The following PHC2 variants were observed in gnomAD, a reference collection of about 807,000 sequenced individuals.
The protein encoded by PHC2 is polyhomeotic-like protein 2.
A neutral mutation model predicts 87.4 loss-of-function variants in PHC2; 29 were observed. That is an observed-to-expected ratio of 0.33 (90% CI 0.25 to 0.45). The LOEUF (loss-of-function observed/expected upper bound fraction) is 0.45, where lower values mean the gene tolerates loss of function less well. Among genes scored for constraint, PHC2 ranks in the 20% least tolerant of loss-of-function variants. PHC2 has a pLI of 1.00. For missense variants in PHC2, 857 were observed against 1,136.7 expected (o/e 0.75, Z 3.54); for synonymous variants, 438 against 461.7 (o/e 0.95, Z 0.66).
intron 9 of PHC2, chr1:33,347,975 G>A (rs1225543560): frequency 6.6e-6 from 1 of 152,340 alleles, no homozygotes; most frequent in Non-Finnish European, 1.5e-5. Flanking sequence ...CCCAAATGTA[G>A]ATCCAGATGT....
intron 1 of PHC2, among the ~76,000 whole-genome samples, chr1:33,383,719 C>T (rs899032711): frequency 2.0e-5 from 3 of 152,184 alleles, no homozygotes; most frequent in Non-Finnish European, 4.4e-5. Context: ...AAAATATATT[C>T]TGTGTCTTCT....
chr1:33,324,934 G>A lies in PHC2; in HGVS notation c.2511C>T (p.Ser837=), dbSNP rs766782136. 13 of 1,613,892 alleles carry A rather than the reference G, an allele frequency of 8.1e-6. No individual in the cohort carries two copies. The highest frequency in any genetic ancestry group is 4.0e-5 in the African/African-American group (3 of 74,924). ...LLLLKEDHLM[S]AMNIKLGPAL... ...CGGGCCCCAGCTTGATGTTCATGGC[G>A]CTCATCAGGTGGTCCTCCTTGAGCA... The change falls in exon 15 of 15, where the codon AGC becomes AGT. Residue 837 remains serine, a synonymous_variant. Transcript: ENST00000683057.
At chr1:33,361,263 C>T (rs1183690507) in intron 7 of PHC2, among the ~76,000 whole-genome samples, 1 of 152,206 alleles carries the variant, frequency 6.6e-6, no homozygotes, top group Admixed American at 6.5e-5. Flanking sequence ...AAGTCATTAA[C>T]ATGATATTGA....
At chr1:33,327,192 T>C (rs939003127) in intron 14 of PHC2, among the ~76,000 whole-genome samples, 1 of 152,160 alleles carries the variant, frequency 6.6e-6, no homozygotes, top group Non-Finnish European at 1.5e-5. Flanking sequence ...TGTTTCTCCC[T>C]TTTTGGATGG....
intron 9 of PHC2, among the ~76,000 whole-genome samples, chr1:33,350,678 C>T (rs1646954999): frequency 1.3e-5 from 2 of 152,206 alleles, no homozygotes; most frequent in Non-Finnish European, 2.9e-5. Context: ...TCTTGCCTTC[C>T]TTAGTATTCA....
chr1:33,409,017 CAAGT>C (rs1282828434), intron 1 of PHC2, among the ~76,000 whole-genome samples: 1 of 152,128 alleles, frequency 6.6e-6, no homozygotes, highest in African/African-American at 2.4e-5. Flanking sequence ...CAAGAATATA[CAAGT>C]AAGTAAATAC....
Position 33,328,370 on chromosome 1 carries a change from T to G in PHC2, c.2425+500A>C, listed in dbSNP as rs552449452. 8.9e-5 allele frequency among the ~76,000 whole-genome samples: 12 copies of G among 134,128 alleles called. No homozygotes were observed. The East Asian group carries it at 2.0e-3, about 22-fold the overall frequency. 88.0% of individuals were successfully genotyped at this position (134,128 alleles called of 152,430 possible). On this transcript the variant is annotated intron_variant, in intron 14 of 14. Transcript: ENST00000683057. ...CTACTGTCATTTAGTTTACATTTTC[T>G]TAATTAAATTTTTTTTTTTTTTTTT...
At chr1:33,387,446 G>A (rs1193022749) in intron 1 of PHC2, among the ~76,000 whole-genome samples, 1 of 152,178 alleles carries the variant, frequency 6.6e-6, no homozygotes, top group Non-Finnish European at 1.5e-5. Flanking sequence ...TAGATGGGGT[G>A]TCTCCCATCA....
chr1:33,355,720 G>C (rs149382368), intron 7 of PHC2, among the ~76,000 whole-genome samples: 1,595 of 152,350 alleles, frequency 0.01, 22 homozygotes, highest in Non-Finnish European at 0.014. Context: ...GCTCAGGCGA[G>C]GCCTTCTCCA....
At chr1:33,325,261 A>G (rs1023820019) in intron 14 of PHC2, 2 of 481,204 alleles carry the variant, frequency 4.2e-6, no homozygotes, top group South Asian at 3.0e-5. Context: ...CCCCTGCTCC[A>G]TGAACTGGGC....
rs199596028 is a variant in PHC2, at chr1:33,334,067, A to G, written c.1761+23T>C. The G allele has an allele frequency of 7.5e-5, 115 of 1,539,298 alleles. 1 individual carries two copies. Among genetic ancestry groups the G allele is most frequent in the Admixed American group, 2.7e-4 (13 of 48,626 alleles). On this transcript the variant is annotated intron_variant, in intron 10 of 14. Transcript: ENST00000683057. The surrounding 1 kb of genome is among the most constrained non-coding windows in gnomAD (Gnocchi z 5.5). The stretch of plus-strand genomic sequence containing the variant: ...CATCCAAAATATACTTAAAAAAAAA[A>G]GGGGAAAAGAAGTAGTCCGTACCGG...
intron 9 of PHC2, among the ~76,000 whole-genome samples, chr1:33,339,497 A>G (rs544147747): frequency 1.4e-4 from 21 of 152,230 alleles, no homozygotes; most frequent in African/African-American, 5.1e-4. Flanking sequence ...TCAACAGAAA[A>G]GAGGTACAGG....
intron 9 of PHC2, among the ~76,000 whole-genome samples, chr1:33,344,726 C>T (rs72658251): frequency 0.019 from 2,891 of 152,238 alleles, 55 homozygotes; most frequent in Non-Finnish European, 0.027. Context: ...ACCTCGGTCT[C>T]CTGAGCAACT....
intron 1 of PHC2, chr1:33,392,812 AAAG>A (rs894673685): frequency 3.3e-5 from 5 of 152,168 alleles, no homozygotes; most frequent in Admixed American, 2.6e-4. Context: ...GGGAAAAAAA[AAAG>A]GACAGCCTAA....
chr1:33,413,053 G>T (rs1232890347), intron 1 of PHC2, among the ~76,000 whole-genome samples: 1 of 152,130 alleles, frequency 6.6e-6, no homozygotes, highest in Non-Finnish European at 1.5e-5. Flanking sequence ...TGCAGCCTCT[G>T]CCTCCAGGGT....
Position 33,369,108 on chromosome 1 carries a change from G to C in PHC2, c.577-486C>G, listed in dbSNP as rs1225742896. ...GACTGCCCTCCAGGGGATCAAGTTC[G>C]ATGTATCCTTTTGGTCATTTTCTAG... On this transcript the variant is annotated intron_variant, in intron 5 of 14. Coordinates refer to ENST00000683057, the MANE Select transcript of PHC2 (RefSeq NM_001385109.1). The surrounding 1 kb of genome is among the most constrained non-coding windows in gnomAD (Gnocchi z 4.7). 6.6e-6 allele frequency among the ~76,000 whole-genome samples: 1 copy of C among 152,174 alleles called. No individual in the cohort carries two copies. The highest frequency in any genetic ancestry group is 1.5e-5 in the Non-Finnish European group (1 of 68,022).
intron 14 of PHC2, 81 bp from the exon 15 acceptor site, chr1:33,325,100 A>C (rs1646341122): frequency 7.8e-7 from 1 of 1,279,082 alleles, no homozygotes; most frequent in African/African-American, 1.5e-5. Context: ...AGTTATCTAG[A>C]TCTAGTTATC....
intron 1 of PHC2, among the ~76,000 whole-genome samples, chr1:33,401,946 G>C (rs1032205882): frequency 6.6e-6 from 1 of 151,902 alleles, no homozygotes; most frequent in Non-Finnish European, 1.5e-5. Context: ...CAGTAGGAAA[G>C]GATATTTTAA....
At chr1:33,343,805 T>C (rs967311834) in intron 9 of PHC2, among the ~76,000 whole-genome samples, 1 of 152,188 alleles carries the variant, frequency 6.6e-6, no homozygotes, top group Non-Finnish European at 1.5e-5. Flanking sequence ...TCCTCAGACG[T>C]CTTGGTCTAC....
Sources: gnomAD v4.1 joint callset for allele counts (sites outside exome capture counted in the v4.1 genomes callset) on GRCh38, gnomAD v4.1.1 for gene constraint, Gnocchi (gnomAD v3.1) non-coding constraint, MANE v1.5 for transcripts, NCBI Gene and HGNC (gene_info 2026-07-23, HGNC 2026-07-21) for gene names.